DHRSX: variants seen among roughly 807,000 people sequenced by gnomAD.
The protein encoded by DHRSX is polyprenol dehydrogenase.
A neutral mutation model predicts 34.0 loss-of-function variants in DHRSX; 31 were observed. The ratio of observed to expected loss-of-function variants is 0.91; its 90% CI spans 0.69 to 1.23. The LOEUF (loss-of-function observed/expected upper bound fraction) is 1.23, where lower values mean the gene tolerates loss of function less well. Among genes scored for constraint, DHRSX ranks in the 50% most tolerant of loss-of-function variants. DHRSX has a pLI of 0.00. For synonymous variants in DHRSX, 201 were observed against 183.8 expected (o/e 1.09, Z -0.76); for missense variants, 414 against 428.1 (o/e 0.97, Z 0.29).
chrX:2,311,381 A>G (rs901517108), intron 3 of DHRSX, among the ~76,000 whole-genome samples: 4 of 152,140 alleles, frequency 2.6e-5, no homozygotes, highest in African/African-American at 9.7e-5. Context: ...ATACATCACT[A>G]CGAGAGAACT....
chrX:2,369,600 G>C (rs1203821239), intron 3 of DHRSX, among the ~76,000 whole-genome samples: 2 of 152,008 alleles, frequency 1.3e-5, no homozygotes, highest in African/African-American at 2.4e-5. Flanking sequence ...AGGTTCAAAC[G>C]ATTCCCCTGC....
chrX:2,384,442 G>C (rs1482594237), intron 3 of DHRSX, among the ~76,000 whole-genome samples: 1 of 152,072 alleles, frequency 6.6e-6, no homozygotes, highest in Non-Finnish European at 1.5e-5. Flanking sequence ...ACGAGGAAAC[G>C]CTGAGGAAAG....
chrX:2,221,799 G>A (rs923271169), intron 6 of DHRSX, among the ~76,000 whole-genome samples: 2 of 152,154 alleles, frequency 1.3e-5, no homozygotes, highest in Non-Finnish European at 2.9e-5. Flanking sequence ...CTAGTGGAAG[G>A]CGATAATCTT....
At chrX:2,282,506 G>C (rs1384438780) in intron 4 of DHRSX, among the ~76,000 whole-genome samples, 1 of 110,348 alleles carries the variant, frequency 9.1e-6, no homozygotes. Flanking sequence ...AGGAGATAGA[G>C]AGACAAGGGG....
intron 3 of DHRSX, among the ~76,000 whole-genome samples, chrX:2,335,453 G>GTA (rs1185014653): frequency 1.3e-5 from 2 of 150,108 alleles, no homozygotes; most frequent in African/African-American, 2.5e-5. Flanking sequence ...TTTTTGGGGT[G>GTA]TGTGTGTGTG....
intron 5 of DHRSX, chrX:2,261,617 C>CA: frequency 6.6e-6 from 1 of 152,140 alleles, no homozygotes; most frequent in Non-Finnish European, 1.5e-5. Context: ...ACTAAAAATA[C>CA]AAAAATCAAC....
At chrX:2,292,511 A>G (rs34256082) in intron 3 of DHRSX, among the ~76,000 whole-genome samples, 5,185 of 152,056 alleles carry the variant, frequency 0.034, 305 homozygotes, top group African/African-American at 0.12. Context: ...TTTGTTACAC[A>G]GCATATGTAA....
chrX:2,431,978 G>T (rs2043930087), intron 1 of DHRSX, among the ~76,000 whole-genome samples: 1 of 152,098 alleles, frequency 6.6e-6, no homozygotes, highest in South Asian at 2.1e-4. Context: ...GGATCACGAG[G>T]TCAGGAGTTC....
chrX:2,472,725 T>C (rs766220116), intron 1 of DHRSX, among the ~76,000 whole-genome samples: 69 of 151,734 alleles, frequency 4.5e-4, no homozygotes, highest in Admixed American at 6.6e-4. Context: ...ACCCAGATCA[T>C]ACCATTGCAC....
intron 3 of DHRSX, among the ~76,000 whole-genome samples, chrX:2,364,081 C>T (rs762921163): frequency 2.0e-5 from 3 of 152,160 alleles, no homozygotes; most frequent in Admixed American, 2.0e-4. Context: ...CCTCAAGATG[C>T]GAGGCTGGGA....
chrX:2,251,287 G>A (rs977773997), intron 5 of DHRSX, among the ~76,000 whole-genome samples: 10 of 152,160 alleles, frequency 6.6e-5, no homozygotes, highest in Admixed American at 2.0e-4. Context: ...TCTGCTAGCC[G>A]TGATAAAGAA....
At chrX:2,457,210 G>T (rs1157725160) in intron 1 of DHRSX, among the ~76,000 whole-genome samples, 1 of 152,118 alleles carries the variant, frequency 6.6e-6, no homozygotes, top group Admixed American at 6.6e-5. Context: ...GTGGCCAAGG[G>T]TCCACACTGA....
At chrX:2,414,802 A>G (rs2043673712) in intron 2 of DHRSX, among the ~76,000 whole-genome samples, 1 of 152,126 alleles carries the variant, frequency 6.6e-6, no homozygotes, top group Non-Finnish European at 1.5e-5. Flanking sequence ...CAATACAAGT[A>G]GATCTCATCA....
rs2041483187 is a variant in DHRSX, at chrX:2,266,948, C to T, written c.389-1G>A. On this transcript the variant is annotated splice_acceptor_variant, in intron 4 of 6. Transcript: ENST00000334651. LOFTEE classifies it high-confidence loss of function. ...CTCTGAGGGACCATCATCACCCCAG[C>T]TGGACAAAAGAGAATATCAGAAGGA... The T allele has an allele frequency of 1.9e-6, 3 of 1,613,812 alleles. No homozygotes were observed. The highest frequency in any genetic ancestry group is 2.5e-6 in the Non-Finnish European group (3 of 1,179,834).
intron 3 of DHRSX, among the ~76,000 whole-genome samples, chrX:2,314,597 T>C (rs932364546): frequency 1.3e-5 from 2 of 150,742 alleles, no homozygotes; most frequent in Non-Finnish European, 3.0e-5. Flanking sequence ...GGCAAGGAAA[T>C]ATATTTTGGG....
chrX:2,232,742 T>G (rs1395174178), intron 6 of DHRSX, among the ~76,000 whole-genome samples: 2 of 151,872 alleles, frequency 1.3e-5, no homozygotes, highest in Admixed American at 1.3e-4. Context: ...CCAGCTAATT[T>G]TTTGTATTTT....
At chrX:2,412,102 G>T (rs187968271) in intron 2 of DHRSX, among the ~76,000 whole-genome samples, 1 of 152,312 alleles carries the variant, frequency 6.6e-6, no homozygotes, top group East Asian at 1.9e-4. Context: ...TTGCTGGAGT[G>T]GTTCCTACAT....
At chrX:2,245,984 A>AAC (rs1448664487) in intron 5 of DHRSX, among the ~76,000 whole-genome samples, 4 of 149,996 alleles carry the variant, frequency 2.7e-5, no homozygotes, top group Non-Finnish European at 5.9e-5. Flanking sequence ...AAAACAAAAA[A>AAC]ACACACAAAC....
At chrX:2,267,552 A>G (rs926908583) in intron 4 of DHRSX, among the ~76,000 whole-genome samples, 2 of 151,490 alleles carry the variant, frequency 1.3e-5, no homozygotes, top group African/African-American at 2.4e-5. Context: ...TCAAAAAAAA[A>G]AAAAAGGAAA....
Sources: gnomAD v4.1 joint callset for allele counts (sites outside exome capture counted in the v4.1 genomes callset) on GRCh38, gnomAD v4.1.1 for gene constraint, MANE v1.5 for transcripts, NCBI Gene and HGNC (gene_info 2026-07-23, HGNC 2026-07-21) for gene names.